Variants in GHR observed in about 807,000 individuals in gnomAD.
GHR encodes growth hormone receptor.
A neutral mutation model predicts 67.1 loss-of-function variants in GHR; 35 were observed. The ratio of observed to expected loss-of-function variants is 0.52; its 90% CI spans 0.40 to 0.69. The LOEUF (loss-of-function observed/expected upper bound fraction) is 0.69. Ranked by LOEUF, GHR falls within the 30% of genes least tolerant of loss-of-function variation. The probability of loss-of-function intolerance (pLI) is 0.00; values close to 1 mark genes in which losing one functional copy is unlikely to be tolerated. For missense variants in GHR, 792 were observed against 764.6 expected, an observed-to-expected ratio of 1.04 and a Z score of -0.42; for synonymous variants, 272 against 269.1, an observed-to-expected ratio of 1.01 and a Z score of -0.10.
intron 3 of GHR, among the ~76,000 whole-genome samples, chr5:42,666,131 A>T (rs1755964427): frequency 6.9e-6 from 1 of 145,784 alleles, no homozygotes; most frequent in African/African-American, 2.6e-5. Context: ...TTTAAGCCTA[A>T]TGCAATATAT....
chr5:42,463,917 C>T (rs531802913), intron 1 of GHR, among the ~76,000 whole-genome samples: 30 of 143,620 alleles, frequency 2.1e-4, no homozygotes, highest in Admixed American at 5.8e-4. Context: ...GGCGTGAACC[C>T]GAGAGGCGGA....
intron 7 of GHR, among the ~76,000 whole-genome samples, chr5:42,712,833 A>G (rs1414984303): frequency 1.3e-5 from 2 of 151,448 alleles, no homozygotes; most frequent in Non-Finnish European, 2.9e-5. Flanking sequence ...TGTCAATTTT[A>G]TGTATATAAT....
chr5:42,451,787 T>C (rs1376028725), intron 1 of GHR, among the ~76,000 whole-genome samples: 1 of 152,174 alleles, frequency 6.6e-6, no homozygotes, highest in African/African-American at 2.4e-5. Flanking sequence ...ACCTTAAGTT[T>C]ATGTGAGTCC....
intron 3 of GHR, among the ~76,000 whole-genome samples, chr5:42,671,804 A>C (rs1169664294): frequency 2.0e-5 from 3 of 151,834 alleles, no homozygotes; most frequent in African/African-American, 7.3e-5. Flanking sequence ...AAAATACAAA[A>C]AATTAGCCGG....
At chr5:42,531,216 G>GAGAT (rs1464033878) in intron 1 of GHR, among the ~76,000 whole-genome samples, 2 of 151,850 alleles carry the variant, frequency 1.3e-5, no homozygotes, top group Non-Finnish European at 2.9e-5. Context: ...GCAGTGAGCT[G>GAGAT]AGATAGCACC....
chr5:42,498,897 A>G (rs979499139), intron 1 of GHR, among the ~76,000 whole-genome samples: 15 of 152,326 alleles, frequency 9.8e-5, no homozygotes, highest in Admixed American at 1.3e-4. Context: ...TCAAGAGGTC[A>G]TTCTGGTACC....
At chr5:42,547,956 A>T in intron 1 of GHR, 1 of 307,474 alleles carries the variant, frequency 3.3e-6, no homozygotes, top group Non-Finnish European at 4.8e-6. Context: ...TATACTCCTT[A>T]GAGAAGGGAA....
chr5:42,550,631 C>T (rs1157145788), intron 1 of GHR, among the ~76,000 whole-genome samples: 3 of 151,992 alleles, frequency 2.0e-5, no homozygotes, highest in Non-Finnish European at 4.4e-5. Flanking sequence ...TCTGTTTTTT[C>T]CTTTTTATCC....
intron 2 of GHR, among the ~76,000 whole-genome samples, chr5:42,594,221 C>T (rs1751946474): frequency 1.3e-5 from 2 of 152,176 alleles, no homozygotes; most frequent in East Asian, 1.9e-4. Flanking sequence ...CTTTTAGTAT[C>T]AACTTCTGTT....
intron 3 of GHR, among the ~76,000 whole-genome samples, chr5:42,649,475 A>G (rs1754908902): frequency 6.6e-6 from 1 of 152,196 alleles, no homozygotes; most frequent in Non-Finnish European, 1.5e-5. Flanking sequence ...AATAAACTGA[A>G]GATAAATATT....
chr5:42,484,223 A>T lies in GHR; in HGVS notation c.-12+60268A>T, dbSNP rs549557320. On this transcript the variant is annotated intron_variant, in intron 1 of 9. Transcript: ENST00000230882. Reference sequence around the variant, plus strand: ...TTGACATGTGACTTCTTACATATGAAGTTAGAAGCCAATGAAATGCTGTTC... The same window carrying T: ...TTGACATGTGACTTCTTACATATGATGTTAGAAGCCAATGAAATGCTGTTC... 2.0e-5 allele frequency among the ~76,000 whole-genome samples: 3 copies of T among 152,356 alleles called. No individual in the cohort carries two copies. The East Asian group carries it at 5.8e-4, about 29-fold the overall frequency.
intron 1 of GHR, among the ~76,000 whole-genome samples, chr5:42,508,797 A>G (rs1419756994): frequency 6.6e-6 from 1 of 152,144 alleles, no homozygotes; most frequent in African/African-American, 2.4e-5. Context: ...GATGGTCTTG[A>G]TCTCCTGACC....
chr5:42,499,904 G>A (rs1171109618), intron 1 of GHR, among the ~76,000 whole-genome samples: 6 of 152,204 alleles, frequency 3.9e-5, no homozygotes, highest in East Asian at 1.9e-4. Flanking sequence ...TGTGAAACAC[G>A]CCAGTTGCAC....
intron 8 of GHR, among the ~76,000 whole-genome samples, chr5:42,715,282 A>G (rs1333787946): frequency 6.6e-6 from 1 of 152,236 alleles, no homozygotes; most frequent in Non-Finnish European, 1.5e-5. Context: ...GGGAAATAGT[A>G]GCAAATATTT....
intron 1 of GHR, among the ~76,000 whole-genome samples, chr5:42,523,428 A>C (rs531904393): frequency 1.6e-4 from 25 of 152,200 alleles, no homozygotes; most frequent in Non-Finnish European, 3.4e-4. Context: ...TCTGTGTTAC[A>C]TATTGGTAAT....
intron 1 of GHR, among the ~76,000 whole-genome samples, chr5:42,504,334 A>G (rs1258707508): frequency 1.3e-5 from 2 of 152,152 alleles, no homozygotes; most frequent in African/African-American, 4.8e-5. Context: ...AGAAATGGGG[A>G]CAGTGTCAAG....
intron 3 of GHR, among the ~76,000 whole-genome samples, chr5:42,634,546 G>T (rs1033482129): frequency 7.4e-6 from 1 of 134,834 alleles, no homozygotes; most frequent in African/African-American, 3.2e-5. Flanking sequence ...CACACACACT[G>T]CAAAAAATAA....
intron 3 of GHR, among the ~76,000 whole-genome samples, chr5:42,648,203 G>T (rs1241426907): frequency 6.6e-6 from 1 of 152,118 alleles, no homozygotes; most frequent in African/African-American, 2.4e-5. Flanking sequence ...CATCACATGG[G>T]TCACATGTGA....
intron 2 of GHR, among the ~76,000 whole-genome samples, chr5:42,616,342 T>C (rs12109867): frequency 0.014 from 2,150 of 152,118 alleles, 40 homozygotes; most frequent in African/African-American, 0.05. Context: ...GAGATGGAAC[T>C]GAAAGAACTT....
Sources: allele counts gnomAD v4.1 joint callset (sites outside exome capture counted in the v4.1 genomes callset), GRCh38; gene constraint gnomAD v4.1.1; transcripts MANE v1.5; gene names NCBI Gene and HGNC (gene_info 2026-07-23, HGNC 2026-07-21).